The following CCDC34 variants were observed in gnomAD, a reference collection of about 807,000 sequenced individuals.
CCDC34 encodes coiled-coil domain containing 34.
In CCDC34, 40 loss-of-function variants were observed where a neutral mutation model predicts 44.1. That is an observed-to-expected ratio of 0.91 (90% confidence interval 0.70 to 1.18). The LOEUF is 1.18. Among genes scored for constraint, CCDC34 ranks in the 50% most tolerant of loss-of-function variants. CCDC34 has a pLI of 0.00. For synonymous variants in CCDC34, 159 were observed against 158.2 expected (o/e 1.01, Z -0.04); for missense variants, 466 against 452.3 (o/e 1.03, Z -0.28).
chr11:27,338,926 C>T lies in CCDC34; in HGVS notation c.1017G>A (p.Lys339=), dbSNP rs760726965. 1.2e-6 allele frequency: 2 copies of T among 1,613,822 alleles called. No homozygotes were observed. The highest frequency in any genetic ancestry group is 8.5e-7 in the Non-Finnish European group (1 of 1,179,846). The change falls in exon 6 of 6, where the codon AAG becomes AAA. Residue 339 remains lysine (K), a synonymous_variant. Coordinates refer to ENST00000328697, the MANE Select transcript of CCDC34 (RefSeq NM_030771.2). ...PKEAKDLSGR[K]SKRPVISQPH... ...GCTGACTTATCACAGGTCTTTTACT[C>T]TTCCTTCCTGATAGATCCTTAGCTT... is the stretch of plus-strand genomic sequence containing the variant.
intron 2 of CCDC34, among the ~76,000 whole-genome samples, chr11:27,354,677 C>A (rs991151657): frequency 7.3e-5 from 10 of 136,900 alleles, no homozygotes; most frequent in Admixed American, 5.9e-4. Flanking sequence ...AACATGGCAA[C>A]CCCCCCACCC....
Position 27,361,741 on chromosome 11 carries a change from T to A in CCDC34, c.359+1095A>T, listed in dbSNP as rs370511047. Reference sequence around the variant, plus strand: ...ATATTCCATTCACTCATGCTGGATATGAACACCCTGTACTGAAGGGGGAAT... The same window carrying A: ...ATATTCCATTCACTCATGCTGGATAAGAACACCCTGTACTGAAGGGGGAAT... On this transcript the variant is annotated intron_variant, in intron 1 of 5. Transcript: ENST00000328697. Among the ~76,000 whole-genome samples, 4 of 152,356 alleles carry A rather than the reference T, an allele frequency of 2.6e-5. No individual in the cohort carries two copies. In the South Asian group the frequency reaches 8.3e-4, roughly 32 times the overall value.
At chr11:27,342,633 T>C (rs556923407) in intron 3 of CCDC34, among the ~76,000 whole-genome samples, 11 of 152,290 alleles carry the variant, frequency 7.2e-5, no homozygotes, top group Non-Finnish European at 1.5e-4. Context: ...TTTATAGGAA[T>C]GTGGCCACAC....
intron 3 of CCDC34, among the ~76,000 whole-genome samples, chr11:27,348,556 A>G (rs1862463704): frequency 6.6e-6 from 1 of 152,194 alleles, no homozygotes; most frequent in South Asian, 2.1e-4. Context: ...TTGCTAATGA[A>G]TGCATAAATT....
chr11:27,362,790 A>C, intron 1 of CCDC34, 46 bp downstream of exon 1: 1 of 1,588,272 alleles, frequency 6.3e-7, no homozygotes, highest in East Asian at 2.2e-5. Context: ...AGAGGGTCTA[A>C]GGAATCTTGA....
intron 3 of CCDC34, chr11:27,349,962 A>T: frequency 9.1e-7 from 1 of 1,103,292 alleles, no homozygotes; most frequent in Non-Finnish European, 1.1e-6. Context: ...CCGAGAAGAC[A>T]GCTGAATGAA....
chr11:27,358,724 C>T (rs533721308), intron 1 of CCDC34, among the ~76,000 whole-genome samples: 1 of 152,120 alleles, frequency 6.6e-6, no homozygotes, highest in Non-Finnish European at 1.5e-5. Flanking sequence ...CAGGCCAGAC[C>T]GTCATCTTGA....
intron 4 of CCDC34, 40 bp from the exon 5 acceptor site, chr11:27,340,877 G>T: frequency 6.3e-7 from 1 of 1,586,702 alleles, no homozygotes; most frequent in South Asian, 1.1e-5. Context: ...GGGATATTCT[G>T]TAACTATACA....
chr11:27,349,339 A>C, intron 3 of CCDC34: 5 of 898,406 alleles, frequency 5.6e-6, no homozygotes, highest in Non-Finnish European at 6.7e-6. Context: ...TTGACTTCTA[A>C]ACAAATATGG....
Position 27,358,852 on chromosome 11 carries a change from T to C in CCDC34, c.360-1311A>G, listed in dbSNP as rs375974963. Among the ~76,000 whole-genome samples the C allele has an allele frequency of 2.4e-4, 37 of 151,948 alleles. No individual in the cohort carries two copies. In the Middle Eastern group the frequency reaches 0.014, roughly 56 times the overall value. On this transcript the variant is annotated intron_variant, in intron 1 of 5. Transcript: ENST00000328697. Reference sequence around the variant, plus strand: ...CACCACCCTTCCCACCAAGAAAGTATACTCCTCTTACAATCCTACGTCAGT... The same window carrying C: ...CACCACCCTTCCCACCAAGAAAGTACACTCCTCTTACAATCCTACGTCAGT...
intron 3 of CCDC34, among the ~76,000 whole-genome samples, chr11:27,345,505 A>G (rs1175195095): frequency 6.6e-6 from 1 of 152,128 alleles, no homozygotes; most frequent in African/African-American, 2.4e-5. Context: ...CTCATTGTTC[A>G]GTTCCCACCT....
Position 27,358,150 on chromosome 11 carries a change from A to AT in CCDC34, c.360-610dup, listed in dbSNP as rs529627948. ...TTGCCAATCCTTAGACAGGGTGTGT[A>AT]TGACTCTCTAGTCTGGTTACCTCCT... On this transcript the variant is annotated intron_variant, in intron 1 of 5. Transcript: ENST00000328697. Among the ~76,000 whole-genome samples, 420 of 152,294 alleles carry AT rather than the reference A, an allele frequency of 2.8e-3. 4 individuals carry two copies. The highest frequency in any genetic ancestry group is 9.2e-3 in the African/African-American group (381 of 41,556).
rs544792705 is a variant in CCDC34, at chr11:27,352,256, G to A, written c.499-1817C>T. 7.2e-5 allele frequency among the ~76,000 whole-genome samples: 11 copies of A among 152,064 alleles called. No homozygotes were observed. The East Asian group carries it at 1.4e-3, about 19-fold the overall frequency. ...AAATTAGCCAGGTGTGGTGGCAGGCGCCTGTAATTCCAGCTACTGGGGAGG... is the reference window on the plus strand; with the variant it reads ...AAATTAGCCAGGTGTGGTGGCAGGCACCTGTAATTCCAGCTACTGGGGAGG... On this transcript the variant is annotated intron_variant, in intron 2 of 5. Transcript: ENST00000328697.
In CCDC34 at chr11:27,339,042, T is replaced by A. The variant is rs771268505; in HGVS notation, c.908-7A>T. ...GAATTTCCACTGTAAAAACCTAAAA[T>A]TATTGAAAAATCAGATCAAAACAAG... is the stretch of plus-strand genomic sequence containing the variant. On this transcript the variant is annotated splice_region_variant and splice_polypyrimidine_tract_variant and intron_variant, in intron 5 of 5. Coordinates refer to ENST00000328697, the MANE Select transcript of CCDC34 (RefSeq NM_030771.2). 6.3e-7 allele frequency: 1 copy of A among 1,592,100 alleles called. No individual in the cohort carries two copies. The highest frequency in any genetic ancestry group is 8.5e-7 in the Non-Finnish European group (1 of 1,171,670).
intron 2 of CCDC34, among the ~76,000 whole-genome samples, chr11:27,356,008 ATTTTTTT>A (rs34146389): frequency 8.6e-5 from 6 of 69,480 alleles, no homozygotes; most frequent in Non-Finnish European, 1.3e-4. Context: ...TGTTCCCAGG[ATTTTTTT>A]TTTTTTTTTT....
chr11:27,343,091 A>T (rs920042166), intron 3 of CCDC34, among the ~76,000 whole-genome samples: 3 of 152,190 alleles, frequency 2.0e-5, no homozygotes, highest in African/African-American at 7.2e-5. Context: ...GCTGTGCAGG[A>T]AAGACAGGTC....
intron 1 of CCDC34, among the ~76,000 whole-genome samples, chr11:27,358,362 A>G (rs910054911): frequency 2.0e-5 from 3 of 152,266 alleles, no homozygotes; most frequent in Non-Finnish European, 2.9e-5. Context: ...ATCAGCAGCC[A>G]TAGAAAGCAA....
chr11:27,353,094 A>G (rs182058800), intron 2 of CCDC34, among the ~76,000 whole-genome samples: 176 of 152,346 alleles, frequency 1.2e-3, no homozygotes, highest in Middle Eastern at 0.01. Flanking sequence ...GTGGAATACA[A>G]CACTTGATTA....
intron 3 of CCDC34, 22 bp downstream of exon 3, chr11:27,350,310 G>A: frequency 1.2e-6 from 2 of 1,613,834 alleles, no homozygotes; most frequent in Non-Finnish European, 1.7e-6. Context: ...GTCAATGTGT[G>A]TATCCATTTT....
Sources: gnomAD v4.1 joint callset for allele counts (sites outside exome capture counted in the v4.1 genomes callset) on GRCh38, gnomAD v4.1.1 for gene constraint, MANE v1.5 for transcripts, NCBI Gene and HGNC (gene_info 2026-07-23, HGNC 2026-07-21) for gene names.